The following PATJ variants were observed in gnomAD, a reference collection of about 807,000 sequenced individuals.
PATJ encodes the protein PATJ crumbs cell polarity complex component, also known as inaD-like protein.
PATJ carries 190 observed loss-of-function variants against 224.9 expected under a neutral mutation model. That is an observed-to-expected ratio of 0.84 (90% CI 0.75 to 0.95). The LOEUF is 0.95. Among genes scored for constraint, PATJ ranks in the 40% least tolerant of loss-of-function variants. PATJ has a pLI of 0.00. For missense variants in PATJ, 2,121 were observed against 2,270.3 expected (o/e 0.93, Z 1.34); for synonymous variants, 769 against 820.3 (o/e 0.94, Z 1.07).
At chr1:61,822,479 G>T (rs1657493025) in intron 14 of PATJ, among the ~76,000 whole-genome samples, 1 of 151,566 alleles carries the variant, frequency 6.6e-6, no homozygotes, top group South Asian at 2.1e-4. Context: ...CCAGTATGTT[G>T]TGAGATGTGA....
At chr1:62,036,871 C>CAAAAAAAAAAAAAAAAAAAAAAAA (rs55761910) in intron 29 of PATJ, among the ~76,000 whole-genome samples, 2,105 of 67,240 alleles carry the variant, frequency 0.031, 243 homozygotes, top group Non-Finnish European at 0.044. Context: ...GACTCCATCT[C>CAAAAAAAAAAAAAAAAAAAAAAAA]AAAAAAAAAA....
chr1:61,952,433 T>C (rs1476708840), intron 27 of PATJ: 1 of 717,390 alleles, frequency 1.4e-6, no homozygotes, highest in South Asian at 1.5e-5. Context: ...GTTGCCTGTG[T>C]GATCTGTGGT....
chr1:61,907,056 A>G (rs1260293041), intron 24 of PATJ, among the ~76,000 whole-genome samples: 8 of 152,132 alleles, frequency 5.3e-5, no homozygotes, highest in Non-Finnish European at 1.0e-4. Context: ...TGATGATTTT[A>G]TAAGGAACTT....
At chr1:62,093,112 C>T (rs1284718644) in intron 33 of PATJ, among the ~76,000 whole-genome samples, 1 of 152,122 alleles carries the variant, frequency 6.6e-6, no homozygotes, top group African/African-American at 2.4e-5. Context: ...TGATTTAATA[C>T]CAATTTAATT....
Position 62,084,629 on chromosome 1 carries a change from G to A in PATJ, c.4358G>A (p.Gly1453Glu), listed in dbSNP as rs1416770462. Residue 1453 changes from glycine (G) to glutamate (E), a missense_variant, in exon 33 of 44, where the codon GGA becomes GAA. Physicochemically the swap from Gly to Glu is moderately conservative, Grantham distance 98 (BLOSUM62 -2). Coordinates refer to ENST00000642238, the MANE Select transcript of PATJ (RefSeq NM_001350145.3). ...TCAGGGCTTGGTCTCAGCATTGTGGGAGGAAAAGACACACCCTTGGTAAGT... is the reference window on the plus strand; with the variant it reads ...TCAGGGCTTGGTCTCAGCATTGTGGAAGGAAAAGACACACCCTTGGTAAGT... ...GRSGLGLSIV[G>E]GKDTPLNAIV... 1 of 1,612,860 alleles carries A rather than the reference G, an allele frequency of 6.2e-7. No homozygotes were observed. Among genetic ancestry groups the A allele is most frequent in the Admixed American group, 1.7e-5 (1 of 59,816 alleles).
chr1:61,911,695 T>TTA (rs141530445), intron 25 of PATJ, among the ~76,000 whole-genome samples: 14,898 of 140,430 alleles, frequency 0.11, 855 homozygotes, highest in East Asian at 0.25. Context: ...CTATATATTT[T>TTA]TATATATATA....
intron 29 of PATJ, among the ~76,000 whole-genome samples, chr1:62,025,713 C>A (rs1488647096): frequency 6.6e-6 from 1 of 152,208 alleles, no homozygotes; most frequent in Non-Finnish European, 1.5e-5. Context: ...ATCCCAGCTG[C>A]TCAAGAGACG....
At chr1:61,983,923 C>A (rs1423460307) in intron 27 of PATJ, among the ~76,000 whole-genome samples, 1 of 151,654 alleles carries the variant, frequency 6.6e-6, no homozygotes, top group Non-Finnish European at 1.5e-5. Context: ...CTCCTGGGCT[C>A]AAGCAGTCAT....
chr1:62,085,288 G>T (rs1420138243), intron 33 of PATJ, among the ~76,000 whole-genome samples: 1 of 151,904 alleles, frequency 6.6e-6, no homozygotes, highest in East Asian at 1.9e-4. Context: ...GGAGGTCGAG[G>T]CTGTAGTGAA....
intron 22 of PATJ, 116 bp downstream of exon 22, chr1:61,884,524 A>G (rs1175998373): frequency 2.8e-5 from 20 of 718,766 alleles, no homozygotes; most frequent in Non-Finnish European, 4.1e-5. Context: ...ACAGAAAAAT[A>G]TTATGAATAA....
intron 27 of PATJ, among the ~76,000 whole-genome samples, chr1:61,964,541 A>C (rs1194813088): frequency 2.0e-5 from 3 of 152,024 alleles, no homozygotes; most frequent in Admixed American, 2.0e-4. Flanking sequence ...GTAATCCCAG[A>C]GCTTTGGGAG....
At chr1:62,090,775 C>T (rs1465090828) in intron 33 of PATJ, among the ~76,000 whole-genome samples, 1 of 152,104 alleles carries the variant, frequency 6.6e-6, no homozygotes, top group Non-Finnish European at 1.5e-5. Context: ...AATGAAAGAC[C>T]AAGGCCTCTT....
chr1:61,778,858 G>A (rs766292745), intron 7 of PATJ, among the ~76,000 whole-genome samples: 1 of 151,962 alleles, frequency 6.6e-6, no homozygotes, highest in Non-Finnish European at 1.5e-5. Context: ...GTGCCACCAT[G>A]CCTGGCTAAT....
chr1:61,996,213 T>C (rs35663562), intron 28 of PATJ, among the ~76,000 whole-genome samples: 22,281 of 152,198 alleles, frequency 0.15, 2,028 homozygotes, highest in Non-Finnish European at 0.21. Flanking sequence ...GAGCTACAGG[T>C]AATCTCAGAT....
intron 41 of PATJ, among the ~76,000 whole-genome samples, chr1:62,145,267 GCAGA>G (rs369954923): frequency 1.3e-5 from 2 of 152,234 alleles, no homozygotes; most frequent in African/African-American, 4.8e-5. Context: ...AGTGAACAAA[GCAGA>G]CAAACTTCCT....
rs1659965267 is a variant in PATJ at position 62,086,248 on chromosome 1, G to A, written c.4377+1600G>A. ...AATGCATGTGTGTGTGTGTGTATGT[G>A]TGTGTGTGTGTTTAATACCTGCATA... On this transcript the variant is annotated intron_variant, in intron 33 of 43. Coordinates refer to ENST00000642238, the MANE Select transcript of PATJ (RefSeq NM_001350145.3). The surrounding 1 kb of genome is among the most constrained non-coding windows in gnomAD (Gnocchi z 4.0). Among the ~76,000 whole-genome samples the A allele has an allele frequency of 2.0e-5, 3 of 152,062 alleles. No homozygotes were observed. Among genetic ancestry groups the A allele is most frequent in the Admixed American group, 2.0e-4 (3 of 15,260 alleles).
intron 26 of PATJ, among the ~76,000 whole-genome samples, chr1:61,916,347 T>C (rs1336286299): frequency 3.3e-5 from 5 of 152,156 alleles, no homozygotes; most frequent in African/African-American, 1.2e-4. Flanking sequence ...AATATGAATC[T>C]CAAATTCTTA....
At chr1:61,752,789 T>C (rs549125019) in intron 1 of PATJ, among the ~76,000 whole-genome samples, 14 of 152,298 alleles carry the variant, frequency 9.2e-5, no homozygotes, top group African/African-American at 2.6e-4. Context: ...TAAGCATATA[T>C]CTGCAAACTG....
At chr1:61,772,908 A>G (rs1646698955) in intron 6 of PATJ, among the ~76,000 whole-genome samples, 1 of 152,192 alleles carries the variant, frequency 6.6e-6, no homozygotes. Flanking sequence ...GGTGCTGCAT[A>G]TACGTTCTCT....
Sources: allele counts gnomAD v4.1 joint callset (sites outside exome capture counted in the v4.1 genomes callset), GRCh38; gene constraint gnomAD v4.1.1; non-coding constraint Gnocchi (gnomAD v3.1); transcripts MANE v1.5; gene names NCBI Gene and HGNC (gene_info 2026-07-23, HGNC 2026-07-21).